Variants in EMCN observed in about 807,000 individuals in gnomAD.
The protein encoded by EMCN is MUC-14.
A neutral mutation model predicts 38.4 loss-of-function variants in EMCN; 37 were observed. The observed-to-expected ratio is 0.96, with a 90% CI of 0.74 to 1.27. The LOEUF (loss-of-function observed/expected upper bound fraction) is 1.27. Ranked by LOEUF, EMCN falls within the 50% of genes most tolerant of loss-of-function variation. The probability of loss-of-function intolerance (pLI) is 0.00; values close to 1 mark genes in which losing one functional copy is unlikely to be tolerated. For missense variants in EMCN, 318 were observed against 302.8 expected, an observed-to-expected ratio of 1.05 and a Z score of -0.37; for synonymous variants, 95 against 100.8, an observed-to-expected ratio of 0.94 and a Z score of 0.35.
intron 4 of EMCN, among the ~76,000 whole-genome samples, chr4:100,454,009 AC>A (rs1236198276): frequency 8.0e-6 from 1 of 125,080 alleles, no homozygotes; most frequent in Non-Finnish European, 1.6e-5. Flanking sequence ...AACATCACAC[AC>A]CAGGGACTGT....
At chr4:100,457,236 A>G (rs1449983734) in intron 4 of EMCN, among the ~76,000 whole-genome samples, 3 of 151,334 alleles carry the variant, frequency 2.0e-5, no homozygotes, top group Non-Finnish European at 2.9e-5. Context: ...GTTTCTATTA[A>G]TAAGATCATG....
intron 5 of EMCN, among the ~76,000 whole-genome samples, chr4:100,429,855 C>CAG (rs1363262757): frequency 6.6e-6 from 1 of 151,976 alleles, no homozygotes; most frequent in Non-Finnish European, 1.5e-5. Flanking sequence ...TACTGTGGCT[C>CAG]AGAGAGATAA....
intron 4 of EMCN, among the ~76,000 whole-genome samples, chr4:100,462,958 A>G (rs1728221815): frequency 1.3e-5 from 2 of 152,142 alleles, no homozygotes; most frequent in Admixed American, 1.3e-4. Context: ...TTTCTACCTT[A>G]GAGATTTCCC....
At chr4:100,406,255 G>A (rs1182718406) in intron 11 of EMCN, among the ~76,000 whole-genome samples, 1 of 151,716 alleles carries the variant, frequency 6.6e-6, no homozygotes, top group Non-Finnish European at 1.5e-5. Context: ...CTCTGATTTT[G>A]GTTATTTTTC....
chr4:100,485,171 T>TATGGA (rs1400294876), intron 1 of EMCN, among the ~76,000 whole-genome samples: 1 of 152,158 alleles, frequency 6.6e-6, no homozygotes, highest in East Asian at 1.9e-4. Flanking sequence ...CCAACTAATT[T>TATGGA]ATGGAATTGA....
chr4:100,422,040 T>C (rs557929744), intron 7 of EMCN, among the ~76,000 whole-genome samples: 228 of 152,088 alleles, frequency 1.5e-3, no homozygotes, highest in Non-Finnish European at 2.8e-3. Flanking sequence ...TTTCCTTCTT[T>C]TCTGATGGTT....
At chr4:100,510,932 G>A (rs1297350857) in intron 1 of EMCN, among the ~76,000 whole-genome samples, 7 of 151,938 alleles carry the variant, frequency 4.6e-5, no homozygotes, top group African/African-American at 1.7e-4. Context: ...TGACTGGTAG[G>A]CAAATGCCTA....
At chr4:100,409,163 G>C (rs1726479147) in intron 11 of EMCN, among the ~76,000 whole-genome samples, 1 of 152,136 alleles carries the variant, frequency 6.6e-6, no homozygotes, top group Non-Finnish European at 1.5e-5. Context: ...TCTCATCGTG[G>C]ACACTTTACC....
intron 10 of EMCN, among the ~76,000 whole-genome samples, chr4:100,410,899 T>C (rs1726534736): frequency 6.6e-6 from 1 of 152,156 alleles, no homozygotes; most frequent in African/African-American, 2.4e-5. Flanking sequence ...CAGAGAAATA[T>C]TAACCTAGGA....
chr4:100,423,025 A>G lies in EMCN; in HGVS notation c.564T>C (p.Tyr188=). ...NASTSATSRS[Y]SSIILPVVIA... is the part of the protein sequence containing the mutation. ...GAAGGCATTGCTGTTACTCACTGGA[A>G]TAAGACCGGCTGGTTGCTGAAGTGC... is the stretch of plus-strand genomic sequence containing the variant. The change falls in exon 7 of 12, where the codon TAT becomes TAC. Residue 188 remains tyrosine (Y), a synonymous_variant. Transcript: ENST00000296420. The G allele has an allele frequency of 1.2e-6, 2 of 1,612,946 alleles. No homozygotes were observed. Among genetic ancestry groups the G allele is most frequent in the Non-Finnish European group, 1.7e-6 (2 of 1,179,286 alleles).
intron 1 of EMCN, among the ~76,000 whole-genome samples, chr4:100,514,697 A>G (rs1286819276): frequency 1.3e-5 from 2 of 152,036 alleles, no homozygotes; most frequent in Non-Finnish European, 2.9e-5. Context: ...ATGTTTCTAG[A>G]CTAGAATATA....
chr4:100,411,536 C>A (rs1286138304), intron 10 of EMCN, among the ~76,000 whole-genome samples: 1 of 151,082 alleles, frequency 6.6e-6, no homozygotes, highest in Non-Finnish European at 1.5e-5. Context: ...ATATCAGTAA[C>A]AAGAATAATG....
chr4:100,458,010 G>A lies in EMCN; in HGVS notation c.376+7413C>T, dbSNP rs554537158. Among the ~76,000 whole-genome samples, 340 of 152,100 alleles carry A rather than the reference G, an allele frequency of 2.2e-3. 1 individual carries two copies. The highest frequency in any genetic ancestry group is 6.8e-3 in the Middle Eastern group (2 of 294). On this transcript the variant is annotated intron_variant, in intron 4 of 11. Coordinates refer to ENST00000296420, the MANE Select transcript of EMCN (RefSeq NM_016242.4). ...TGGGTGCCTGTAATCCCAGCTACTC[G>A]GGAGGCTGATGCAGAGAACTGCTTG...
At chr4:100,420,748 C>G (rs1360777125) in intron 8 of EMCN, among the ~76,000 whole-genome samples, 1 of 152,008 alleles carries the variant, frequency 6.6e-6, no homozygotes, top group African/African-American at 2.4e-5. Flanking sequence ...ACTGTACTAT[C>G]TTTGCAACTT....
chr4:100,463,027 T>C (rs1363735688), intron 4 of EMCN, among the ~76,000 whole-genome samples: 2 of 152,154 alleles, frequency 1.3e-5, no homozygotes, highest in Non-Finnish European at 2.9e-5. Flanking sequence ...GGACTATGGA[T>C]ACACCAAAAA....
At chr4:100,418,713 A>T (rs1466903504) in intron 8 of EMCN, among the ~76,000 whole-genome samples, 1 of 152,154 alleles carries the variant, frequency 6.6e-6, no homozygotes, top group African/African-American at 2.4e-5. Context: ...GTTGCAAATG[A>T]CAGGATCTCA....
intron 1 of EMCN, among the ~76,000 whole-genome samples, chr4:100,514,156 A>C (rs1388425388): frequency 6.6e-6 from 1 of 152,092 alleles, no homozygotes; most frequent in Admixed American, 6.6e-5. Context: ...AGACACTTTT[A>C]ATTTACCATT....
chr4:100,440,343 G>A (rs6810732), intron 5 of EMCN, among the ~76,000 whole-genome samples: 4,668 of 152,010 alleles, frequency 0.031, 252 homozygotes, highest in African/African-American at 0.11. Context: ...TGTCACCTGA[G>A]TAGTGTATAT....
intron 4 of EMCN, among the ~76,000 whole-genome samples, chr4:100,449,070 T>A (rs1364781331): frequency 5.3e-5 from 8 of 152,108 alleles, no homozygotes; most frequent in Admixed American, 5.2e-4. Context: ...GGGGGCAGAT[T>A]TCTTATCTTG....
Sources: allele counts gnomAD v4.1 joint callset (sites outside exome capture counted in the v4.1 genomes callset), GRCh38; gene constraint gnomAD v4.1.1; transcripts MANE v1.5; gene names NCBI Gene and HGNC (gene_info 2026-07-23, HGNC 2026-07-21).